Variants in TDG observed in about 807,000 individuals in gnomAD.
TDG encodes thymine DNA glycosylase.
In TDG, 23 loss-of-function variants were observed where a neutral mutation model predicts 46.1. The ratio of observed to expected loss-of-function variants is 0.50; its 90% confidence interval spans 0.36 to 0.71. The LOEUF (loss-of-function observed/expected upper bound fraction) is 0.71, where lower values mean the gene tolerates loss of function less well. Among genes scored for constraint, TDG ranks in the 30% least tolerant of loss-of-function variants. TDG has a pLI of 0.00. For missense variants in TDG, 304 were observed against 486.7 expected (o/e 0.62, Z 3.53); for synonymous variants, 115 against 161.3 (o/e 0.71, Z 2.18).
intron 1 of TDG, among the ~76,000 whole-genome samples, chr12:103,971,017 AT>A (rs1871262952): frequency 6.6e-6 from 1 of 152,196 alleles, no homozygotes; most frequent in South Asian, 2.1e-4. Flanking sequence ...TAGCATTTAC[AT>A]TGTATTAGGT....
chr12:103,970,488 AAAGC>A (rs1871241140), intron 1 of TDG, among the ~76,000 whole-genome samples: 1 of 152,132 alleles, frequency 6.6e-6, no homozygotes, highest in South Asian at 2.1e-4. Flanking sequence ...AAAAAAGAAA[AAAGC>A]AACTTAAATC....
rs1429088836 is a variant in TDG at position 103,988,033 on chromosome 12, C to T, written c.*943C>T. The stretch of plus-strand genomic sequence containing the variant: ...TAGAATTTTTCTTGCTAGGTAAATC[C>T]AGTAAGCCAATAATTTTAAAGATTC... On this transcript the variant is annotated 3_prime_UTR_variant, in exon 10 of 10. Coordinates refer to ENST00000392872, the MANE Select transcript of TDG (RefSeq NM_003211.6). The T allele has an allele frequency of 6.5e-6, 1 of 152,724 alleles. No individual in the cohort carries two copies. The highest frequency in any genetic ancestry group is 1.5e-5 in the Non-Finnish European group (1 of 68,058). 9.5% of individuals were successfully genotyped at this position (152,724 alleles called of 1,614,324 possible).
At chr12:103,983,050 G>A (rs1011509651) in intron 5 of TDG, 86 bp from the exon 6 acceptor site, 1 of 1,556,344 alleles carries the variant, frequency 6.4e-7, no homozygotes, top group Non-Finnish European at 8.7e-7. Flanking sequence ...TGTACAATAT[G>A]CTCTTTCATT....
chr12:103,983,009 T>G, intron 5 of TDG, 75 bp downstream of exon 5: 1 of 1,593,258 alleles, frequency 6.3e-7, no homozygotes, highest in Middle Eastern at 1.7e-4. Flanking sequence ...AGGAACATCA[T>G]ATGTATCTAG....
chr12:103,978,059 T>C (rs887325129), intron 2 of TDG, among the ~76,000 whole-genome samples: 2 of 151,056 alleles, frequency 1.3e-5, no homozygotes, highest in African/African-American at 4.9e-5. Flanking sequence ...AGACTCTGTC[T>C]CAAAAACAAA....
In TDG at chr12:103,974,654, TTAGTA is replaced by T. The variant is rs547615623; in HGVS notation, c.24-2257_24-2253del. Among the ~76,000 whole-genome samples, 968 of 152,168 alleles carry T rather than the reference TTAGTA, an allele frequency of 6.4e-3. 4 individuals carry two copies. Among genetic ancestry groups the T allele is most frequent in the Non-Finnish European group, 9.6e-3 (654 of 67,976 alleles). ...GAATATCATAGAGAATGAAAACTGA[TTAGTA>T]TAGTATCTTGCAGTAGAAAACATGA... On this transcript the variant is annotated intron_variant, in intron 1 of 9. Transcript: ENST00000392872.
Position 103,984,970 on chromosome 12 carries a change from C to T in TDG, c.964+50C>T, listed in dbSNP as rs1593518752. ...TATTCATTTTGTGTGTGTATATATACACATATATACTTACATATATATACA... is the reference window on the plus strand; with the variant it reads ...TATTCATTTTGTGTGTGTATATATATACATATATACTTACATATATATACA... On this transcript the variant is annotated intron_variant, in intron 8 of 9. Coordinates refer to ENST00000392872, the MANE Select transcript of TDG (RefSeq NM_003211.6). 58 of 1,398,338 alleles carry T rather than the reference C, an allele frequency of 4.1e-5. 1 individual carries two copies. The highest frequency in any genetic ancestry group is 5.4e-5 in the Non-Finnish European group (56 of 1,045,442). 86.6% of individuals were successfully genotyped at this position (1,398,338 alleles called of 1,614,324 possible).
At chr12:103,974,042 A>G (rs1434421792) in intron 1 of TDG, among the ~76,000 whole-genome samples, 2 of 152,266 alleles carry the variant, frequency 1.3e-5, no homozygotes, top group East Asian at 3.9e-4. Flanking sequence ...GGAAGTGGAA[A>G]TGCCTCTCCA....
chr12:103,985,203 ACACAC>A (rs1476432982), intron 8 of TDG, among the ~76,000 whole-genome samples: 3 of 139,902 alleles, frequency 2.1e-5, no homozygotes, highest in African/African-American at 7.8e-5. Flanking sequence ...ACACACACAC[ACACAC>A]ATTACAGAAA....
In TDG at chr12:103,973,271, G is replaced by A. The variant is rs554725922; in HGVS notation, c.24-3647G>A. 1.6e-4 allele frequency among the ~76,000 whole-genome samples: 25 copies of A among 152,116 alleles called. No homozygotes were observed. In the South Asian group the frequency reaches 4.6e-3, roughly 28 times the overall value. On this transcript the variant is annotated intron_variant, in intron 1 of 9. Transcript: ENST00000392872. ...CAGCTAATTTTGTGTTTTTAGTAGA[G>A]ACAGGGTTTCTGCATGTTGGTCGGG...
intron 9 of TDG, 58 bp downstream of exon 9, chr12:103,985,786 G>A (rs1872126387): frequency 3.5e-6 from 5 of 1,421,032 alleles, no homozygotes; most frequent in South Asian, 1.7e-5. Context: ...GGATTGGGGG[G>A]AAAATTTTAA....
Position 103,965,992 on chromosome 12 carries a change from C to T in TDG, c.-46C>T, listed in dbSNP as rs374703404. 1.9e-6 allele frequency: 3 copies of T among 1,585,234 alleles called. No individual in the cohort carries two copies. Among genetic ancestry groups the T allele is most frequent in the Non-Finnish European group, 2.6e-6 (3 of 1,166,906 alleles). Reference sequence around the variant, plus strand: ...ACGCGGTACTACAGAGACCGGCTGCCCGTGTGCCCGGCAGGTGGAGCCGCC... The same window carrying T: ...ACGCGGTACTACAGAGACCGGCTGCTCGTGTGCCCGGCAGGTGGAGCCGCC... On this transcript the variant is annotated 5_prime_UTR_variant, in exon 1 of 10. Transcript: ENST00000392872.
intron 8 of TDG, among the ~76,000 whole-genome samples, chr12:103,985,295 G>A (rs1426294933): frequency 6.6e-6 from 1 of 151,798 alleles, no homozygotes; most frequent in African/African-American, 2.4e-5. Context: ...ATGAATATTA[G>A]TCACTGTTAA....
intron 3 of TDG, 129 bp downstream of exon 3, chr12:103,980,201 G>T: frequency 7.6e-7 from 1 of 1,315,222 alleles, no homozygotes; most frequent in Non-Finnish European, 1.0e-6. Flanking sequence ...GGTAAATGGT[G>T]TCAGCTTCAT....
chr12:103,969,160 A>G (rs1871184821), intron 1 of TDG, among the ~76,000 whole-genome samples: 1 of 152,244 alleles, frequency 6.6e-6, no homozygotes, highest in Non-Finnish European at 1.5e-5. Context: ...ACATAGGCCA[A>G]CTAGCTTAAT....
intron 1 of TDG, among the ~76,000 whole-genome samples, chr12:103,966,342 C>T (rs576081331): frequency 2.0e-5 from 3 of 152,326 alleles, no homozygotes; most frequent in East Asian, 1.9e-4. Context: ...ATTCAGCAGT[C>T]TTTGGTTAAT....
intron 4 of TDG, among the ~76,000 whole-genome samples, chr12:103,981,963 A>G (rs1271825924): frequency 6.6e-6 from 1 of 152,224 alleles, no homozygotes; most frequent in Non-Finnish European, 1.5e-5. Context: ...GCAGTTAGCC[A>G]TAATTACTCC....
chr12:103,966,120 GGCGCGCGC>G, intron 1 of TDG, 60 bp downstream of exon 1: 1 of 1,364,472 alleles, frequency 7.3e-7, no homozygotes, highest in Non-Finnish European at 9.7e-7. Flanking sequence ...CAGGCTGGCT[GGCGCGCGC>G]GCGCGCACGC....
Position 103,985,750 on chromosome 12 carries a change from T to C in TDG, c.1090+22T>C, listed in dbSNP as rs1398404179. 4 of 1,230,042 alleles carry C rather than the reference T, an allele frequency of 3.3e-6. No homozygotes were observed. The African/African-American group carries it at 6.9e-5, about 21-fold the overall frequency. The allele number at this position is 1,230,042 out of a possible 1,614,324, so 76.2% of individuals were successfully genotyped here. ...CTAAGTATGGTTCCCTCCACATGTG[T>C]ATTCCTTTCAAAGACGGTTTGGTCA... On this transcript the variant is annotated intron_variant, in intron 9 of 9. Coordinates refer to ENST00000392872, the MANE Select transcript of TDG (RefSeq NM_003211.6).
Sources: allele counts gnomAD v4.1 joint callset (sites outside exome capture counted in the v4.1 genomes callset), GRCh38; gene constraint gnomAD v4.1.1; transcripts MANE v1.5; gene names NCBI Gene and HGNC (gene_info 2026-07-23, HGNC 2026-07-21).